EYS: variants seen among roughly 807,000 people sequenced by gnomAD.
The protein encoded by EYS is protein eyes shut homolog.
Under a neutral mutation model 282.1 loss-of-function variants are expected in EYS, and 250 were observed. That is an observed-to-expected ratio of 0.89 (90% CI 0.80 to 0.98). EYS has a LOEUF of 0.98. EYS is among the 50% of genes least tolerant of loss of function. The pLI, the probability that EYS is intolerant of heterozygous loss-of-function variation, is 0.00. For missense variants in EYS, 4,016 were observed against 3,709.0 expected (o/e 1.08, Z -2.15); for synonymous variants, 1,355 against 1,282.9 (o/e 1.06, Z -1.20).
At chr6:64,916,934 G>C (rs1386776279) in intron 15 of EYS, among the ~76,000 whole-genome samples, 1 of 152,152 alleles carries the variant, frequency 6.6e-6, no homozygotes, top group Admixed American at 6.6e-5. Flanking sequence ...AAATAAAGTA[G>C]TTATCATCGT....
intron 33 of EYS, among the ~76,000 whole-genome samples, chr6:64,026,610 T>C (rs1297136152): frequency 6.6e-6 from 1 of 152,176 alleles, no homozygotes; most frequent in African/African-American, 2.4e-5. Context: ...CCAAGCTTTC[T>C]TTTCATTGAG....
At chr6:65,056,411 A>G (rs75731051) in intron 13 of EYS, among the ~76,000 whole-genome samples, 9,572 of 152,040 alleles carry the variant, frequency 0.063, 1,021 homozygotes, top group African/African-American at 0.22. Flanking sequence ...TGGGCAACAC[A>G]GTGAAACCCT....
intron 12 of EYS, among the ~76,000 whole-genome samples, chr6:65,110,048 T>C (rs1378538979): frequency 6.6e-6 from 1 of 152,188 alleles, no homozygotes; most frequent in African/African-American, 2.4e-5. Flanking sequence ...AACTATGTTC[T>C]TGGCATTTTT....
intron 41 of EYS, among the ~76,000 whole-genome samples, chr6:63,759,460 TTC>T (rs958060702): frequency 1.3e-5 from 2 of 152,152 alleles, no homozygotes; most frequent in Non-Finnish European, 2.9e-5. Context: ...ACATTTCACT[TTC>T]TCTCCGAGTT....
At chr6:64,009,800 T>A (rs1269790618) in intron 33 of EYS, among the ~76,000 whole-genome samples, 2 of 152,138 alleles carry the variant, frequency 1.3e-5, no homozygotes, top group African/African-American at 4.8e-5. Flanking sequence ...AAAAAGGCAC[T>A]CTGGTTTTTT....
At chr6:63,795,425 T>C (rs1391147495) in intron 37 of EYS, among the ~76,000 whole-genome samples, 1 of 152,134 alleles carries the variant, frequency 6.6e-6, no homozygotes, top group Non-Finnish European at 1.5e-5. Flanking sequence ...AAGAGCAAAG[T>C]AGTTGAGACA....
At chr6:64,387,475 A>G (rs889046124) in intron 29 of EYS, among the ~76,000 whole-genome samples, 2 of 152,144 alleles carry the variant, frequency 1.3e-5, no homozygotes, top group African/African-American at 2.4e-5. Flanking sequence ...GAAAAAGTAT[A>G]GTTATGAAAT....
chr6:65,544,608 G>A (rs901076515), intron 2 of EYS, among the ~76,000 whole-genome samples: 1 of 152,086 alleles, frequency 6.6e-6, no homozygotes, highest in African/African-American at 2.4e-5. Flanking sequence ...AGCTTCCCCA[G>A]CCCTGAAGAA....
At chr6:64,154,897 A>G (rs543724500) in intron 31 of EYS, among the ~76,000 whole-genome samples, 9 of 152,310 alleles carry the variant, frequency 5.9e-5, no homozygotes, top group African/African-American at 2.2e-4. Flanking sequence ...ATTATTGGCT[A>G]TTATAACTCC....
chr6:65,026,603 T>G (rs1772415473), intron 13 of EYS, among the ~76,000 whole-genome samples: 1 of 152,156 alleles, frequency 6.6e-6, no homozygotes, highest in Non-Finnish European at 1.5e-5. Flanking sequence ...TTTTGGAAAA[T>G]ACTGTCAAGA....
chr6:65,508,592 T>A (rs142975239), intron 2 of EYS, among the ~76,000 whole-genome samples: 2,067 of 146,992 alleles, frequency 0.014, 41 homozygotes, highest in African/African-American at 0.049. Context: ...GGGAATGATG[T>A]GAACCTGGGA....
chr6:64,774,361 A>G (rs1773615461), intron 22 of EYS, among the ~76,000 whole-genome samples: 1 of 151,876 alleles, frequency 6.6e-6, no homozygotes, highest in South Asian at 2.1e-4. Flanking sequence ...AAGGCTTGTG[A>G]TTGGTATTAT....
At chr6:64,686,482 G>A (rs1050661855) in intron 22 of EYS, among the ~76,000 whole-genome samples, 10 of 151,214 alleles carry the variant, frequency 6.6e-5, no homozygotes, top group African/African-American at 4.8e-5. Flanking sequence ...TGGCTCACGC[G>A]TGTTATCCCA....
intron 5 of EYS, among the ~76,000 whole-genome samples, chr6:65,485,805 CA>C (rs56014632): frequency 0.39 from 57,271 of 147,618 alleles, 10,980 homozygotes; most frequent in Middle Eastern, 0.46. Flanking sequence ...CTGCCTCAAA[CA>C]AAAAAAAAAA....
chr6:64,755,329 T>C (rs1417572105), intron 22 of EYS, among the ~76,000 whole-genome samples: 1 of 152,112 alleles, frequency 6.6e-6, no homozygotes, highest in Non-Finnish European at 1.5e-5. Context: ...CTCATGCTCA[T>C]GGATTGGAAG....
rs62415507 is a variant in EYS, at chr6:64,824,251, C to T, written c.2993-1429G>A. ...TCTTTCACCTACAAATCAAGTTATA[C>T]GACTAAGTCCAACAGAAATGGAATG... On this transcript the variant is annotated intron_variant, in intron 19 of 42. Transcript: ENST00000503581. Among the ~76,000 whole-genome samples the T allele has an allele frequency of 3.8e-3, 582 of 151,908 alleles. 2 individuals carry two copies. The highest frequency in any genetic ancestry group is 8.1e-3 in the Admixed American group (123 of 15,196).
intron 35 of EYS, among the ~76,000 whole-genome samples, chr6:63,869,570 T>A (rs321497): frequency 1.3e-5 from 2 of 152,190 alleles, no homozygotes; most frequent in South Asian, 4.1e-4. Context: ...GGAGCAGACT[T>A]GGAGAACATG....
rs751379141 is a variant in EYS, at chr6:65,490,726, GT to G, written c.749-20del. 1.1e-5 allele frequency: 16 copies of G among 1,475,636 alleles called. No homozygotes were observed. Among genetic ancestry groups the G allele is most frequent in the African/African-American group, 4.2e-5 (3 of 71,804 alleles). 91.4% of individuals were successfully genotyped at this position (1,475,636 alleles called of 1,614,324 possible). ...TTCTTTCCTATAACAATGAAAAAAAGTTTTTTTTACATTGGATATCAATATT... is the reference window on the plus strand; with the variant it reads ...TTCTTTCCTATAACAATGAAAAAAAGTTTTTTTACATTGGATATCAATATT... On this transcript the variant is annotated intron_variant, in intron 4 of 42. Coordinates refer to ENST00000503581, the MANE Select transcript of EYS (RefSeq NM_001142800.2).
At chr6:64,015,425 T>C (rs1359529167) in intron 33 of EYS, among the ~76,000 whole-genome samples, 1 of 152,154 alleles carries the variant, frequency 6.6e-6, no homozygotes, top group African/African-American at 2.4e-5. Context: ...AAATCTATAA[T>C]CTGTGTTAAT....
Sources: allele counts gnomAD v4.1 joint callset (sites outside exome capture counted in the v4.1 genomes callset), GRCh38; gene constraint gnomAD v4.1.1; transcripts MANE v1.5; gene names NCBI Gene and HGNC (gene_info 2026-07-23, HGNC 2026-07-21).